JAKMIP2: variants seen among roughly 807,000 people sequenced by gnomAD.
The protein encoded by JAKMIP2 is janus kinase and microtubule interacting protein 2.
Under a neutral mutation model 115.0 loss-of-function variants are expected in JAKMIP2, and 25 were observed. That is an observed-to-expected ratio of 0.22 (90% confidence interval 0.16 to 0.30). The LOEUF is 0.30. JAKMIP2 is among the 10% of genes least tolerant of loss of function. The probability of loss-of-function intolerance (pLI) is 1.00; values close to 1 mark genes in which losing one functional copy is unlikely to be tolerated. For missense variants in JAKMIP2, 642 were observed against 957.6 expected (o/e 0.67, Z 4.35); for synonymous variants, 334 against 343.6 (o/e 0.97, Z 0.31).
At chr5:147,741,455 T>C (rs961038280) in intron 1 of JAKMIP2, among the ~76,000 whole-genome samples, 5 of 152,124 alleles carry the variant, frequency 3.3e-5, no homozygotes, top group Non-Finnish European at 7.4e-5. Flanking sequence ...ATATAACTTG[T>C]TTAATATATA....
At position 147,631,435 on chromosome 5, in the gene JAKMIP2, T is replaced by G; in HGVS notation, c.1853A>C (p.Tyr618Ser). ...FSDGVSALQI[Y>S]CMKEGVKDVN... ...TACCTTAACACCTTCTTTCATACAGTAGATCTGTAGAGCACTCACACCATC... is the reference window on the plus strand; with the variant it reads ...TACCTTAACACCTTCTTTCATACAGGAGATCTGTAGAGCACTCACACCATC... Residue 618 changes from tyrosine to serine, a missense_variant, in exon 14 of 22, where the codon TAC becomes TCC. Around this residue, in one of 6 missense-constraint regions of JAKMIP2, gnomAD observed 103 missense variants for 177.6 expected, o/e 0.58. Transcript: ENST00000616793. 1 of 1,606,488 alleles carries G rather than the reference T, an allele frequency of 6.2e-7. No homozygotes were observed. Among genetic ancestry groups the G allele is most frequent in the East Asian group, 2.2e-5 (1 of 44,724 alleles).
At chr5:147,668,513 AG>A (rs1759418692) in intron 2 of JAKMIP2, among the ~76,000 whole-genome samples, 2 of 152,170 alleles carry the variant, frequency 1.3e-5, no homozygotes, top group Non-Finnish European at 2.9e-5. Context: ...CTTATGCCAC[AG>A]GGTTTGGGGG....
intron 1 of JAKMIP2, among the ~76,000 whole-genome samples, chr5:147,719,229 G>T (rs7718275): frequency 9.0e-6 from 1 of 111,252 alleles, no homozygotes; most frequent in African/African-American, 4.0e-5. Flanking sequence ...GTTATAATTT[G>T]TGTTCTTTTA....
At chr5:147,748,374 T>C (rs1754428381) in intron 1 of JAKMIP2, among the ~76,000 whole-genome samples, 1 of 152,178 alleles carries the variant, frequency 6.6e-6, no homozygotes, top group African/African-American at 2.4e-5. Flanking sequence ...ACAAGGTAGA[T>C]GTCATCATTA....
intron 12 of JAKMIP2, among the ~76,000 whole-genome samples, chr5:147,633,694 ATT>A (rs746793113): frequency 1.7e-4 from 23 of 133,650 alleles, no homozygotes; most frequent in African/African-American, 1.4e-4. Context: ...TTATCTTTGG[ATT>A]TTTTTTTTTT....
In JAKMIP2 at chr5:147,660,968, C is replaced by T. The variant is rs1758928254; in HGVS notation, c.607G>A (p.Glu203Lys). 1 of 1,613,822 alleles carries T rather than the reference C, an allele frequency of 6.2e-7. No homozygotes were observed. Residue 203 changes from glutamate (E) to lysine (K), a missense_variant, in exon 3 of 22, where the codon GAG becomes AAG. Coordinates refer to ENST00000616793, the MANE Select transcript of JAKMIP2 (RefSeq NM_001270941.2). ...CTAACCAGCCTCCGAATATCCCGCT[C>T]CGACTCCCACTTGATCTTCGAGATG... ...EAISKIKWES[E>K]RDIRRLMDEI...
chr5:147,641,560 A>G (rs1303696457), intron 8 of JAKMIP2, 148 bp downstream of exon 8: 14 of 572,406 alleles, frequency 2.4e-5, no homozygotes, highest in Non-Finnish European at 4.0e-5. Flanking sequence ...TCAACAGAAA[A>G]TATTTTCTTC....
intron 15 of JAKMIP2, 106 bp from the exon 16 acceptor site, chr5:147,628,922 A>G (rs1050592166): frequency 1.4e-6 from 1 of 702,916 alleles, no homozygotes; most frequent in Middle Eastern, 3.2e-4. Flanking sequence ...AAGCCTGTAT[A>G]GAAACTTAAC....
chr5:147,636,445 T>A (rs1163515543), intron 11 of JAKMIP2, 161 bp from the exon 12 acceptor site: 1 of 608,398 alleles, frequency 1.6e-6, no homozygotes, highest in African/African-American at 1.9e-5. Flanking sequence ...TCAAAGAAAT[T>A]GGGGCCAAAG....
chr5:147,656,277 T>G (rs180677223), intron 3 of JAKMIP2, among the ~76,000 whole-genome samples: 17 of 152,358 alleles, frequency 1.1e-4, no homozygotes, highest in Non-Finnish European at 1.6e-4. Flanking sequence ...TGTCTAATGT[T>G]GACAGTGGGG....
chr5:147,723,423 A>G (rs772621645), intron 1 of JAKMIP2, among the ~76,000 whole-genome samples: 2 of 152,024 alleles, frequency 1.3e-5, no homozygotes, highest in Non-Finnish European at 2.9e-5. Context: ...GACTTTGTAC[A>G]TTCTCGATGG....
intron 1 of JAKMIP2, 104 bp from the exon 2 acceptor site, chr5:147,672,058 G>GAGTTACCTGTAAGA: frequency 1.4e-6 from 1 of 734,370 alleles, no homozygotes; most frequent in Non-Finnish European, 1.8e-6. Context: ...CTCCTCCTGA[G>GAGTTACCTGTAAGA]GCTCTCCTAT....
intron 21 of JAKMIP2, chr5:147,595,519 T>C: frequency 2.2e-6 from 1 of 455,392 alleles, no homozygotes; most frequent in Non-Finnish European, 4.4e-6. Flanking sequence ...GCCTCGATCT[T>C]CAATTTCCAG....
Position 147,589,724 on chromosome 5 carries a change from A to G in JAKMIP2, c.*1983T>C, listed in dbSNP as rs2126539112. 6.6e-6 allele frequency: 1 copy of G among 152,198 alleles called. No individual in the cohort carries two copies. The highest frequency in any genetic ancestry group is 1.9e-4 in the East Asian group (1 of 5,192). The allele number at this position is 152,198 out of a possible 1,614,324, so 9.4% of individuals were successfully genotyped here. ...AATAGCATGAGATGATCTATTTCCTATAGATTATTAAAGATCCTGGTTTTG... is the reference window on the plus strand; with the variant it reads ...AATAGCATGAGATGATCTATTTCCTGTAGATTATTAAAGATCCTGGTTTTG... On this transcript the variant is annotated 3_prime_UTR_variant, in exon 22 of 22. Coordinates refer to ENST00000616793, the MANE Select transcript of JAKMIP2 (RefSeq NM_001270941.2).
At chr5:147,767,355 T>C (rs1327060865) in intron 1 of JAKMIP2, among the ~76,000 whole-genome samples, 1 of 152,156 alleles carries the variant, frequency 6.6e-6, no homozygotes, top group African/African-American at 2.4e-5. Flanking sequence ...TGAGTCCTTG[T>C]AGAGAATCCA....
intron 1 of JAKMIP2, among the ~76,000 whole-genome samples, chr5:147,723,813 G>C (rs1243045989): frequency 6.6e-6 from 1 of 152,080 alleles, no homozygotes. Flanking sequence ...CTTTACAGTA[G>C]CCTAGGGAGA....
chr5:147,679,814 A>G (rs1461280913), intron 1 of JAKMIP2, among the ~76,000 whole-genome samples: 1 of 152,186 alleles, frequency 6.6e-6, no homozygotes, highest in Non-Finnish European at 1.5e-5. Flanking sequence ...CTATAATAAC[A>G]CTTTCCTAAA....
chr5:147,730,941 A>G (rs1197599356), intron 1 of JAKMIP2, among the ~76,000 whole-genome samples: 1 of 152,170 alleles, frequency 6.6e-6, no homozygotes, highest in African/African-American at 2.4e-5. Flanking sequence ...CAAGACTGTC[A>G]CAGTGGTCCC....
chr5:147,699,084 T>C (rs1752222366), intron 1 of JAKMIP2, among the ~76,000 whole-genome samples: 1 of 152,214 alleles, frequency 6.6e-6, no homozygotes, highest in South Asian at 2.1e-4. Context: ...GCTCATGCTA[T>C]GATCTAATCA....
Sources: gnomAD v4.1 joint callset for allele counts (sites outside exome capture counted in the v4.1 genomes callset) on GRCh38, gnomAD v4.1.1 for gene constraint, gnomAD v4.1.1 regional missense constraint, MANE v1.5 for transcripts, NCBI Gene and HGNC (gene_info 2026-07-23, HGNC 2026-07-21) for gene names.